The following FZD3 variants were observed in gnomAD, a reference collection of about 807,000 sequenced individuals.
FZD3 encodes frizzled class receptor 3.
In FZD3, 30 loss-of-function variants were observed where a neutral mutation model predicts 60.7. The ratio of observed to expected loss-of-function variants is 0.49; its 90% CI spans 0.37 to 0.67. The LOEUF is 0.67. FZD3 is among the 30% of genes least tolerant of loss of function. FZD3 has a pLI of 0.00. For missense variants in FZD3, 605 were observed against 838.7 expected (o/e 0.72, Z 3.44); for synonymous variants, 246 against 275.2 (o/e 0.89, Z 1.05).
At chr8:28,506,067 T>C (rs2130289666) in intron 3 of FZD3, among the ~76,000 whole-genome samples, 1 of 152,318 alleles carries the variant, frequency 6.6e-6, no homozygotes, top group South Asian at 2.1e-4. Flanking sequence ...CCAAACCATT[T>C]TGAGCTGTCC....
chr8:28,526,396 G>A (rs1804715849), intron 4 of FZD3, among the ~76,000 whole-genome samples: 1 of 152,132 alleles, frequency 6.6e-6, no homozygotes, highest in Admixed American at 6.5e-5. Context: ...GGACTGTGAA[G>A]TCTTTCATAG....
At chr8:28,526,038 C>T (rs1187090225) in intron 4 of FZD3, among the ~76,000 whole-genome samples, 6 of 152,036 alleles carry the variant, frequency 3.9e-5, no homozygotes, top group African/African-American at 1.4e-4. Context: ...AATTTGCTTT[C>T]AGAAGGGTTG....
At chr8:28,515,128 G>A (rs1804390060) in intron 3 of FZD3, among the ~76,000 whole-genome samples, 1 of 152,158 alleles carries the variant, frequency 6.6e-6, no homozygotes, top group South Asian at 2.1e-4. Flanking sequence ...TTACCTTATA[G>A]GATTGTTGTG....
At chr8:28,522,900 G>A (rs1056725267) in intron 4 of FZD3, among the ~76,000 whole-genome samples, 1 of 150,648 alleles carries the variant, frequency 6.6e-6, no homozygotes, top group African/African-American at 2.4e-5. Context: ...CTCCCAAGTA[G>A]CTGGGCTTAC....
At chr8:28,494,479 G>T (rs1057489167) in intron 1 of FZD3, 136 bp downstream of exon 1, 1 of 152,070 alleles carries the variant, frequency 6.6e-6, no homozygotes, top group African/African-American at 2.4e-5. Flanking sequence ...CAGCAGCCCG[G>T]CGCCTCCTCC....
At chr8:28,539,532 G>A (rs944460171) in intron 5 of FZD3, among the ~76,000 whole-genome samples, 8 of 152,192 alleles carry the variant, frequency 5.3e-5, no homozygotes, top group African/African-American at 1.7e-4. Flanking sequence ...AAGCAGTGTA[G>A]TGTAGTTAAA....
chr8:28,514,234 T>C (rs1804364348), intron 3 of FZD3, among the ~76,000 whole-genome samples: 1 of 152,222 alleles, frequency 6.6e-6, no homozygotes, highest in Non-Finnish European at 1.5e-5. Flanking sequence ...GTATTTCTTA[T>C]GTTATACATT....
Position 28,572,081 on chromosome 8 carries a change from T to G in FZD3, c.*9070T>G, listed in dbSNP as rs1171631502. On this transcript the variant is annotated 3_prime_UTR_variant, in exon 8 of 8. Transcript: ENST00000240093. ...TTTTGTTTTATCTTGTTTTCTTAAC[T>G]TTTTACAGTGTTGTTAGATTATCGC... 6.6e-6 allele frequency: 1 copy of G among 152,136 alleles called. No individual in the cohort carries two copies. Among genetic ancestry groups the G allele is most frequent in the African/African-American group, 2.4e-5 (1 of 41,436 alleles). 9.4% of individuals were successfully genotyped at this position (152,136 alleles called of 1,614,324 possible).
chr8:28,501,052 G>A (rs532189087), intron 2 of FZD3, among the ~76,000 whole-genome samples: 9 of 152,304 alleles, frequency 5.9e-5, no homozygotes, highest in South Asian at 2.1e-4. Context: ...GAGCCACTGC[G>A]CCCTGCCCAG....
At chr8:28,524,604 T>G (rs939271213) in intron 4 of FZD3, among the ~76,000 whole-genome samples, 5 of 152,212 alleles carry the variant, frequency 3.3e-5, no homozygotes, top group African/African-American at 1.2e-4. Context: ...CTCAATTTCC[T>G]TCTCGGATCC....
chr8:28,503,224 G>T (rs755808694), intron 3 of FZD3, 22 bp downstream of exon 3: 2 of 1,512,456 alleles, frequency 1.3e-6, no homozygotes, highest in South Asian at 1.1e-5. Context: ...TCTATTCTTT[G>T]ACGTATCTTA....
intron 3 of FZD3, among the ~76,000 whole-genome samples, chr8:28,516,406 G>C (rs1804426448): frequency 6.6e-6 from 1 of 152,138 alleles, no homozygotes; most frequent in African/African-American, 2.4e-5. Flanking sequence ...ATGAATTTTA[G>C]GACCAGCTTT....
chr8:28,530,195 A>T (rs2130384737), intron 5 of FZD3, among the ~76,000 whole-genome samples: 1 of 151,902 alleles, frequency 6.6e-6, no homozygotes, highest in East Asian at 1.9e-4. Flanking sequence ...ACGGAAATGA[A>T]TAACAAATGA....
chr8:28,527,869 C>T lies in FZD3; in HGVS notation c.1109C>T (p.Ala370Val). Reference sequence around the variant, plus strand: ...TTTGTTGGCCTCTACGATGTTGATGCATTGAGATATTTTGTTCTTGCTCCC... The same window carrying T: ...TTTGTTGGCCTCTACGATGTTGATGTATTGAGATATTTTGTTCTTGCTCCC... Reference protein sequence around the residue: ...VCFVGLYDVDALRYFVLAPLC... With the variant: ...VCFVGLYDVDVLRYFVLAPLC... The change falls in exon 5 of 8, where the codon GCA (alanine) becomes GTA (valine). Residue 370 changes from alanine to valine, a missense_variant. Transcript: ENST00000240093. This position sits in a 1 kb window ranked among gnomAD's most constrained non-coding sequence, Gnocchi z 5.0. 1 of 1,614,038 alleles carries T rather than the reference C, an allele frequency of 6.2e-7. No homozygotes were observed. Among genetic ancestry groups the T allele is most frequent in the African/African-American group, 1.3e-5 (1 of 75,044 alleles).
At chr8:28,548,335 G>A (rs1250046820) in intron 5 of FZD3, among the ~76,000 whole-genome samples, 1 of 151,780 alleles carries the variant, frequency 6.6e-6, no homozygotes, top group Non-Finnish European at 1.5e-5. Context: ...ACTTTGAGAT[G>A]AGGTCTTGCT....
rs558955345 is a variant in FZD3 at position 28,514,356 on chromosome 8, T to C, written c.190-6282T>C. ...GGGCAATTTGCTTATTTGAAAAATATTAATATTTGTATTTGTTTTTATGTA... is the reference window on the plus strand; with the variant it reads ...GGGCAATTTGCTTATTTGAAAAATACTAATATTTGTATTTGTTTTTATGTA... On this transcript the variant is annotated intron_variant, in intron 3 of 7. Transcript: ENST00000240093. Among the ~76,000 whole-genome samples, 155 of 152,302 alleles carry C rather than the reference T, an allele frequency of 1.0e-3. 1 individual carries two copies. The highest frequency in any genetic ancestry group is 3.4e-3 in the African/African-American group (140 of 41,580).
intron 3 of FZD3, among the ~76,000 whole-genome samples, chr8:28,506,201 CT>C (rs1189939380): frequency 1.3e-5 from 2 of 152,172 alleles, no homozygotes; most frequent in African/African-American, 4.8e-5. Context: ...TAAAAGAGAT[CT>C]GGGCAGGCTT....
At chr8:28,559,384 A>C (rs929279418) in intron 7 of FZD3, among the ~76,000 whole-genome samples, 1 of 152,104 alleles carries the variant, frequency 6.6e-6, no homozygotes, top group Non-Finnish European at 1.5e-5. Context: ...GTTACTATCT[A>C]TTTTCCACAT....
chr8:28,516,777 CTCTTA>C (rs1402694997), intron 3 of FZD3, among the ~76,000 whole-genome samples: 3 of 151,272 alleles, frequency 2.0e-5, no homozygotes, highest in Admixed American at 6.6e-5. Flanking sequence ...TTTTTTTTCT[CTCTTA>C]TCTTGCCTTC....
Sources: allele counts gnomAD v4.1 joint callset (sites outside exome capture counted in the v4.1 genomes callset), GRCh38; gene constraint gnomAD v4.1.1; non-coding constraint Gnocchi (gnomAD v3.1); transcripts MANE v1.5; gene names NCBI Gene and HGNC (gene_info 2026-07-23, HGNC 2026-07-21).